CTNNA3: variants seen among roughly 807,000 people sequenced by gnomAD.
CTNNA3 encodes the protein catenin alpha 3.
In CTNNA3, 76 loss-of-function variants were observed where a neutral mutation model predicts 95.7. The observed-to-expected ratio is 0.79, with a 90% CI of 0.66 to 0.96. CTNNA3 has a LOEUF of 0.96. CTNNA3 is among the 40% of genes least tolerant of loss of function. CTNNA3 has a pLI of 0.00. For missense variants in CTNNA3, 1,191 were observed against 1,089.8 expected, an observed-to-expected ratio of 1.09 and a Z score of -1.31; for synonymous variants, 431 against 374.4, an observed-to-expected ratio of 1.15 and a Z score of -1.74.
intron 7 of CTNNA3, among the ~76,000 whole-genome samples, chr10:66,921,204 TTC>T (rs1846768604): frequency 6.6e-6 from 1 of 152,120 alleles, no homozygotes; most frequent in Non-Finnish European, 1.5e-5. Flanking sequence ...GCTCTCTCAT[TTC>T]TGTCTCTTTT....
chr10:67,035,421 G>T (rs1284801823), intron 7 of CTNNA3, among the ~76,000 whole-genome samples: 1 of 152,120 alleles, frequency 6.6e-6, no homozygotes, highest in African/African-American at 2.4e-5. Flanking sequence ...TTAAAGTTAA[G>T]TTCCTTTGAA....
At chr10:66,621,622 T>C (rs1844752438) in intron 10 of CTNNA3, 70 bp downstream of exon 10, 2 of 880,758 alleles carry the variant, frequency 2.3e-6, no homozygotes, top group Admixed American at 2.8e-5. Flanking sequence ...AAATAGTGTA[T>C]TTTCATATGC....
At chr10:65,957,245 G>C (rs929152178) in intron 17 of CTNNA3, among the ~76,000 whole-genome samples, 19 of 152,196 alleles carry the variant, frequency 1.2e-4, no homozygotes, top group Admixed American at 7.9e-4. Flanking sequence ...TTGCTTGGCA[G>C]ATCTTCCTCC....
chr10:66,864,749 A>T (rs1281905473), intron 7 of CTNNA3, among the ~76,000 whole-genome samples: 1 of 152,140 alleles, frequency 6.6e-6, no homozygotes, highest in African/African-American at 2.4e-5. Context: ...AAATTCTGTT[A>T]TAGAGTGCTC....
chr10:67,414,680 C>T (rs1392586763), intron 5 of CTNNA3, among the ~76,000 whole-genome samples: 1 of 152,146 alleles, frequency 6.6e-6, no homozygotes, highest in Non-Finnish European at 1.5e-5. Context: ...TGCAAAAATC[C>T]TCAACAAATA....
In CTNNA3 at chr10:66,845,723, A is replaced by C. The variant is rs12782846; in HGVS notation, c.1048-70199T>G. Among the ~76,000 whole-genome samples, 3 of 86,410 alleles carry C rather than the reference A, an allele frequency of 3.5e-5. 1 individual carries two copies. Among genetic ancestry groups the C allele is most frequent in the Non-Finnish European group, 8.0e-5 (3 of 37,412 alleles). The allele number at this position is 86,410 out of a possible 152,430, so 56.7% of individuals were successfully genotyped here. A position where few individuals can be genotyped will look rare whatever the true frequency, so the allele number is the denominator to read the frequency against. ...TGTCTCAAAAAAAAAAAAAAAAAAA[A>C]AAAAAACTAAAAAGGTGAGATATAT... On this transcript the variant is annotated intron_variant, in intron 7 of 17. Coordinates refer to ENST00000433211, the MANE Select transcript of CTNNA3 (RefSeq NM_013266.4).
At chr10:66,228,000 G>A (rs888814868) in intron 13 of CTNNA3, among the ~76,000 whole-genome samples, 7 of 151,930 alleles carry the variant, frequency 4.6e-5, no homozygotes, top group African/African-American at 1.4e-4. Flanking sequence ...TTATATTTCC[G>A]TGGTATCTGT....
chr10:66,387,705 G>T (rs1351022350), intron 11 of CTNNA3, among the ~76,000 whole-genome samples: 5 of 152,014 alleles, frequency 3.3e-5, no homozygotes, highest in Admixed American at 2.6e-4. Context: ...TCAATGTCCA[G>T]CAATGATAGA....
chr10:66,020,017 T>TTAAAACTTAA (rs2079171818), intron 15 of CTNNA3, among the ~76,000 whole-genome samples: 1 of 152,196 alleles, frequency 6.6e-6, no homozygotes, highest in Non-Finnish European at 1.5e-5. Flanking sequence ...TTTTAAGCAT[T>TTAAAACTTAA]TAAAACTTAA....
chr10:66,920,380 A>G (rs961669950), intron 7 of CTNNA3, among the ~76,000 whole-genome samples: 17 of 152,202 alleles, frequency 1.1e-4, no homozygotes, highest in African/African-American at 4.1e-4. Flanking sequence ...TATGCAATAA[A>G]CAGTACATGT....
intron 12 of CTNNA3, among the ~76,000 whole-genome samples, chr10:66,320,548 C>T (rs948002196): frequency 2.6e-5 from 4 of 152,112 alleles, no homozygotes; most frequent in African/African-American, 9.7e-5. Flanking sequence ...TGGCCACTTG[C>T]TGCCCTGAGG....
At chr10:66,087,771 C>G (rs1398831874) in intron 14 of CTNNA3, among the ~76,000 whole-genome samples, 1 of 152,224 alleles carries the variant, frequency 6.6e-6, no homozygotes, top group South Asian at 2.1e-4. Flanking sequence ...GCAATTCTAT[C>G]ACTTTGACAT....
At chr10:66,798,503 T>C (rs1468193428) in intron 7 of CTNNA3, among the ~76,000 whole-genome samples, 2 of 151,644 alleles carry the variant, frequency 1.3e-5, no homozygotes, top group Admixed American at 6.6e-5. Flanking sequence ...CTCTGGAGTT[T>C]ATTGCCAATG....
chr10:65,938,505 G>A lies in CTNNA3; in HGVS notation c.2401-17888C>T, dbSNP rs185510515. ...TAGTGAGATGACTGGGGACTTTAAG[G>A]GGTTGGAAGAGGCTTGACAGAAGGA... is the stretch of plus-strand genomic sequence containing the variant. On this transcript the variant is annotated intron_variant, in intron 17 of 17. Coordinates refer to ENST00000433211, the MANE Select transcript of CTNNA3 (RefSeq NM_013266.4). 4.1e-4 allele frequency among the ~76,000 whole-genome samples: 62 copies of A among 152,232 alleles called. 1 individual carries two copies. In the East Asian group the frequency reaches 9.9e-3, roughly 24 times the overall value.
intron 7 of CTNNA3, among the ~76,000 whole-genome samples, chr10:67,131,888 A>G (rs77470286): frequency 0.055 from 8,445 of 152,182 alleles, 346 homozygotes; most frequent in South Asian, 0.18. Context: ...TACTATGAGA[A>G]AGAGTTTAAC....
At chr10:67,098,644 G>T (rs1483722185) in intron 7 of CTNNA3, 4 of 152,244 alleles carry the variant, frequency 2.6e-5, no homozygotes, top group Non-Finnish European at 4.4e-5. Flanking sequence ...GGAAAGCATG[G>T]ACAAAACATC....
chr10:67,566,043 G>GTGTATATATATATATATATA lies in CTNNA3; in HGVS notation c.293-26375_293-26374insTATATATATATATATATACA, dbSNP rs1274109672. On this transcript the variant is annotated intron_variant, in intron 3 of 17. Coordinates refer to ENST00000433211, the MANE Select transcript of CTNNA3 (RefSeq NM_013266.4). Reference sequence around the variant, plus strand: ...CACACACACACACATATGTGTGTGTGTATATATATATATATATATATATAT... The same window carrying GTGTATATATATATATATATA: ...CACACACACACACATATGTGTGTGTGTGTATATATATATATATATATATATATATATATATATATATATAT... 1.0e-3 allele frequency among the ~76,000 whole-genome samples: 28 copies of GTGTATATATATATATATATA among 26,962 alleles called. 1 individual carries two copies. Among genetic ancestry groups the GTGTATATATATATATATATA allele is most frequent in the African/African-American group, 3.1e-3 (19 of 6,054 alleles). The allele number at this position is 26,962 out of a possible 152,430, so 17.7% of individuals were successfully genotyped here. A position where few individuals can be genotyped will look rare whatever the true frequency, so the allele number is the denominator to read the frequency against.
At chr10:67,289,094 A>C (rs1433616467) in intron 5 of CTNNA3, among the ~76,000 whole-genome samples, 1 of 152,220 alleles carries the variant, frequency 6.6e-6, no homozygotes, top group Non-Finnish European at 1.5e-5. Context: ...TTTATGTTAA[A>C]TAATTACTAA....
At chr10:66,918,335 A>G (rs1846602100) in intron 7 of CTNNA3, among the ~76,000 whole-genome samples, 1 of 152,218 alleles carries the variant, frequency 6.6e-6, no homozygotes, top group Non-Finnish European at 1.5e-5. Context: ...GCATTCCTGA[A>G]TTCTCTGATG....
Sources: gnomAD v4.1 joint callset for allele counts (sites outside exome capture counted in the v4.1 genomes callset) on GRCh38, gnomAD v4.1.1 for gene constraint, MANE v1.5 for transcripts, NCBI Gene and HGNC (gene_info 2026-07-23, HGNC 2026-07-21) for gene names.